The following PHYKPL variants were observed in gnomAD, a reference collection of about 807,000 sequenced individuals.
PHYKPL encodes 5-phosphonooxy-L-lysine phospho-lyase.
Under a neutral mutation model 51.3 loss-of-function variants are expected in PHYKPL, and 42 were observed. The observed-to-expected ratio is 0.82, with a 90% CI of 0.64 to 1.06. The LOEUF (loss-of-function observed/expected upper bound fraction) is 1.06, where lower values mean the gene tolerates loss of function less well. Ranked by LOEUF, PHYKPL falls within the 50% of genes least tolerant of loss-of-function variation. The pLI is 0.00. For missense variants in PHYKPL, 655 were observed against 586.6 expected (o/e 1.12, Z -1.20); for synonymous variants, 264 against 236.0 (o/e 1.12, Z -1.09).
chr5:178,221,343 A>T (rs1669760092), intron 8 of PHYKPL, among the ~76,000 whole-genome samples: 1 of 151,916 alleles, frequency 6.6e-6, no homozygotes, highest in African/African-American at 2.4e-5. Flanking sequence ...TGAAGCCTCT[A>T]CTGCTTGTCC....
At position 178,215,404 on chromosome 5, in the gene PHYKPL, A is replaced by C; in HGVS notation, c.954T>G (p.Ala318=). The C allele has an allele frequency of 1.2e-6, 2 of 1,613,678 alleles. No individual in the cohort carries two copies. Among genetic ancestry groups the C allele is most frequent in the Non-Finnish European group, 1.7e-6 (2 of 1,179,892 alleles). The change falls in exon 9 of 13, where the codon GCT becomes GCG. Residue 318 remains alanine (A), a synonymous_variant. Transcript: ENST00000308158. The part of the protein sequence containing the change: ...NTFGGSPVSC[A]VGLAVLNVLE... ...AGACATTCAGGACGGCCAGCCCCAC[A>C]GCGCAGGACACTGGGCTGCCCCCAA...
At chr5:178,209,385 C>T (rs773387990) in intron 12 of PHYKPL, 19 of 1,614,168 alleles carry the variant, frequency 1.2e-5, no homozygotes, top group Non-Finnish European at 1.6e-5. Flanking sequence ...CAGTATGGCT[C>T]TGGGGGCCGT....
Position 178,208,555 on chromosome 5 carries a change from T to C in PHYKPL, c.*392A>G, listed in dbSNP as rs957719121. On this transcript the variant is annotated 3_prime_UTR_variant, in exon 13 of 13. Transcript: ENST00000308158. ...TAGAATATATCAGATTGCATTATTT[T>C]AATTTGCCAATTAAAAGTATGACTG... The C allele has an allele frequency of 6.6e-6, 1 of 152,252 alleles. No individual in the cohort carries two copies. Among genetic ancestry groups the C allele is most frequent in the African/African-American group, 2.4e-5 (1 of 41,454 alleles). 9.4% of individuals were successfully genotyped at this position (152,252 alleles called of 1,614,324 possible). A position where few individuals can be genotyped will look rare whatever the true frequency, so the allele number is the denominator to read the frequency against.
chr5:178,227,039 GGGGCATGTTTAT>G (rs1352905421), intron 3 of PHYKPL, among the ~76,000 whole-genome samples: 1 of 152,098 alleles, frequency 6.6e-6, no homozygotes, highest in Admixed American at 6.5e-5. Context: ...CGAGCCAGAG[GGGGCATGTTTAT>G]GGGCTGAGCT....
At chr5:178,226,393 C>T (rs1762305320) in intron 3 of PHYKPL, 1 of 152,176 alleles carries the variant, frequency 6.6e-6, no homozygotes. Context: ...GACCGACTGG[C>T]TTCAAGTTGA....
rs1430467016 is a variant in PHYKPL at position 178,211,910 on chromosome 5, G to C, written c.*11C>G. 1.9e-6 allele frequency: 3 copies of C among 1,613,870 alleles called. No homozygotes were observed. The highest frequency in any genetic ancestry group is 2.5e-6 in the Non-Finnish European group (3 of 1,179,848). On this transcript the variant is annotated 3_prime_UTR_variant, in exon 12 of 13. Transcript: ENST00000308158. ...CTCACCTGGAGTACACTTAGGCAGA[G>C]CAGGGCTGGCTTAGGGCTGGAGCCT...
At chr5:178,232,328 G>A in intron 1 of PHYKPL, 164 bp downstream of exon 1, 1 of 1,269,466 alleles carries the variant, frequency 7.9e-7, no homozygotes, top group Non-Finnish European at 9.9e-7. Context: ...GCCCGCCTCG[G>A]GCCCTAGAAG....
At chr5:178,230,390 C>G (rs1581381919) in intron 2 of PHYKPL, 1 of 329,834 alleles carries the variant, frequency 3.0e-6, no homozygotes, top group Non-Finnish European at 5.6e-6. Flanking sequence ...GGGCCTTACT[C>G]TGTCACCCAG....
At chr5:178,212,806 G>C (rs1188264560) in intron 11 of PHYKPL, among the ~76,000 whole-genome samples, 167 bp downstream of exon 11, 1 of 152,194 alleles carries the variant, frequency 6.6e-6, no homozygotes, top group South Asian at 2.1e-4. Context: ...GCAGGAATAG[G>C]AGCAGATTGG....
chr5:178,229,776 G>C (rs1763009669), intron 3 of PHYKPL, 164 bp downstream of exon 3: 5 of 762,224 alleles, frequency 6.6e-6, no homozygotes, highest in Non-Finnish European at 1.0e-5. Context: ...GGATCCAACA[G>C]AGAAAGCATC....
Position 178,210,902 on chromosome 5 carries a change from C to T in PHYKPL, c.*31+988G>A, listed in dbSNP as rs187811984. The T allele has an allele frequency of 7.6e-3, 3,775 of 495,392 alleles. 34 individuals are homozygous for T. Among genetic ancestry groups the T allele is most frequent in the Middle Eastern group, 0.027 (48 of 1,796 alleles). 30.7% of individuals were successfully genotyped at this position (495,392 alleles called of 1,614,324 possible). A position where few individuals can be genotyped will look rare whatever the true frequency, so the allele number is the denominator to read the frequency against. ...GGTGGGAGGCTCTGCTTCCTGCTGC[C>T]GCTCTGCAGCCTGGACCTGTGGACC... On this transcript the variant is annotated intron_variant, in intron 12 of 12. Coordinates refer to ENST00000308158, the MANE Select transcript of PHYKPL (RefSeq NM_153373.4).
rs148139408 is a variant in PHYKPL, at chr5:178,210,410, C to T, written c.*31+1480G>A. The T allele has an allele frequency of 7.0e-4, 1,082 of 1,547,312 alleles. 3 individuals are homozygous for T. The African/African-American group carries it at 0.012, about 17-fold the overall frequency. On this transcript the variant is annotated intron_variant, in intron 12 of 12. Transcript: ENST00000308158. ...CCATGGGAGCTACTTGATTTTGAGC[C>T]TTAGACTTCGGGGTCTTAATAACAT...
At chr5:178,209,330 T>C in intron 12 of PHYKPL, 3 of 1,613,900 alleles carry the variant, frequency 1.9e-6, no homozygotes, top group Non-Finnish European at 2.5e-6. Context: ...TGACTTTTAG[T>C]GTGAGATCAA....
chr5:178,209,422 CAGCGGAGGTGGT>C (rs747177246), intron 12 of PHYKPL: 4 of 1,614,016 alleles, frequency 2.5e-6, no homozygotes, highest in Admixed American at 3.3e-5. Flanking sequence ...GGAACCGAGG[CAGCGGAGGTGGT>C]GGTGGAGGTG....
At chr5:178,222,715 T>C (rs1327459867) in intron 7 of PHYKPL, 135 bp from the exon 8 acceptor site, 4 of 1,337,558 alleles carry the variant, frequency 3.0e-6, no homozygotes, top group Non-Finnish European at 4.1e-6. Context: ...TGGCCTTCTC[T>C]GGGCCATTCT....
At position 178,231,841 on chromosome 5, in the gene PHYKPL, C is replaced by T. The variant is rs1251901557; in HGVS notation, c.60-318G>A. 3.0e-6 allele frequency: 4 copies of T among 1,351,572 alleles called. No individual in the cohort carries two copies. The South Asian group carries it at 4.9e-5, about 17-fold the overall frequency. 83.7% of individuals were successfully genotyped at this position (1,351,572 alleles called of 1,614,324 possible). The stretch of plus-strand genomic sequence containing the variant: ...CTGAGAAAAGGTGGCTGCCCCGTCC[C>T]ATGGGGACTCCATAAGGCCGCGTGT... On this transcript the variant is annotated intron_variant, in intron 1 of 12. Transcript: ENST00000308158.
At chr5:178,229,383 C>T (rs780558190) in intron 3 of PHYKPL, among the ~76,000 whole-genome samples, 1 of 152,196 alleles carries the variant, frequency 6.6e-6, no homozygotes, top group Non-Finnish European at 1.5e-5. Context: ...GCTGGGATTA[C>T]AGGCATGAGC....
chr5:178,230,058 G>A lies in PHYKPL; in HGVS notation c.220C>T (p.Gln74Ter). 2 of 1,614,192 alleles carry A rather than the reference G, an allele frequency of 1.2e-6. No homozygotes were observed. The highest frequency in any genetic ancestry group is 1.7e-6 in the Non-Finnish European group (2 of 1,180,038). Residue 74 changes from glutamine to a stop codon, truncating the protein, a stop_gained, in exon 3 of 13, where the codon CAG becomes TAG. Transcript: ENST00000308158. LOFTEE classifies it high-confidence loss of function. ...CTGTTGGTGTTGAGCACCTGGTTCT[G>A]CTCATGTGCTGCTTGGACCACGAGA... The part of the protein sequence containing the change: ...HPLVVQAAHE[Q>*]NQVLNTNSRY...
intron 12 of PHYKPL, 171 bp downstream of exon 12, chr5:178,211,719 C>T: frequency 1.7e-6 from 1 of 596,576 alleles, no homozygotes. Context: ...CCATCAAGTG[C>T]AAGCTAAGCA....
Sources: gnomAD v4.1 joint callset for allele counts (sites outside exome capture counted in the v4.1 genomes callset) on GRCh38, gnomAD v4.1.1 for gene constraint, MANE v1.5 for transcripts, NCBI Gene and HGNC (gene_info 2026-07-23, HGNC 2026-07-21) for gene names.